ADTRP: variants seen among roughly 807,000 people sequenced by gnomAD.
The protein encoded by ADTRP is androgen dependent TFPI regulating protein, also known as androgen-dependent TFPI-regulating protein.
In ADTRP, 20 loss-of-function variants were observed where a neutral mutation model predicts 27.0. The ratio of observed to expected loss-of-function variants is 0.74; its 90% confidence interval spans 0.52 to 1.08. The LOEUF is 1.08. Among genes scored for constraint, ADTRP ranks in the 50% least tolerant of loss-of-function variants. The pLI is 0.00. For missense variants in ADTRP, 251 were observed against 275.0 expected (o/e 0.91, Z 0.62); for synonymous variants, 101 against 105.2 (o/e 0.96, Z 0.25).
rs149560693 is a variant in ADTRP at position 11,741,481 on chromosome 6, G to A, written c.391-5798C>T. Among the ~76,000 whole-genome samples the A allele has an allele frequency of 1.6e-4, 24 of 152,314 alleles. No individual in the cohort carries two copies. In the East Asian group the frequency reaches 4.6e-3, roughly 29 times the overall value. The stretch of plus-strand genomic sequence containing the variant: ...CACTGGGCCAAGGAAGAAAAGCATA[G>A]TGTTGTTTATGAACTCTTATGTGAC... On this transcript the variant is annotated intron_variant, in intron 3 of 5. Transcript: ENST00000414691.
At chr6:11,733,395 C>G (rs1762447707) in intron 4 of ADTRP, among the ~76,000 whole-genome samples, 1 of 152,256 alleles carries the variant, frequency 6.6e-6, no homozygotes, top group Non-Finnish European at 1.5e-5. Context: ...TTTACCCTGT[C>G]CTCCAATTCA....
intron 2 of ADTRP, chr6:11,767,556 C>A (rs1419730170): frequency 1.3e-5 from 2 of 152,242 alleles, no homozygotes; most frequent in African/African-American, 2.4e-5. Context: ...ATAGGCCCTG[C>A]TGGGCAGCCA....
intron 3 of ADTRP, chr6:11,755,005 G>A: frequency 2.0e-6 from 2 of 981,252 alleles, no homozygotes; most frequent in Non-Finnish European, 2.4e-6. Flanking sequence ...ATTTCAGAGA[G>A]ATTTAGGATC....
intron 5 of ADTRP, among the ~76,000 whole-genome samples, chr6:11,717,701 G>A (rs6933892): frequency 0.55 from 83,480 of 152,032 alleles, 24,204 homozygotes; most frequent in Non-Finnish European, 0.66. Flanking sequence ...TGATAGTCCT[G>A]TGTTCACACT....
intron 3 of ADTRP, among the ~76,000 whole-genome samples, chr6:11,758,665 A>T (rs1763303768): frequency 6.6e-6 from 1 of 151,382 alleles, no homozygotes; most frequent in Admixed American, 6.6e-5. Context: ...ACATGTATAC[A>T]TATGTAACTA....
At chr6:11,714,571 T>C in intron 5 of ADTRP, 59 bp from the exon 6 acceptor site, 2 of 1,579,798 alleles carry the variant, frequency 1.3e-6, no homozygotes, top group Admixed American at 1.9e-5. Context: ...ATGGGTATTT[T>C]TGTTGTGGGT....
intron 4 of ADTRP, among the ~76,000 whole-genome samples, chr6:11,727,932 AGGAC>A (rs1213460738): frequency 9.8e-6 from 1 of 101,802 alleles, no homozygotes; most frequent in Non-Finnish European, 2.2e-5. Flanking sequence ...GAAGGAAGGA[AGGAC>A]GGAAAGAAGG....
chr6:11,714,224 T>A lies in ADTRP; in HGVS notation c.*254A>T. On this transcript the variant is annotated 3_prime_UTR_variant, in exon 6 of 6. Transcript: ENST00000414691. Reference sequence around the variant, plus strand: ...GCCAGATTTTAACCAGAGACCATCCTCCACGAAGGTCAAAGATAATTAATT... The same window carrying A: ...GCCAGATTTTAACCAGAGACCATCCACCACGAAGGTCAAAGATAATTAATT... 1 of 464,212 alleles carries A rather than the reference T, an allele frequency of 2.2e-6. No individual in the cohort carries two copies. The highest frequency in any genetic ancestry group is 3.8e-6 in the Non-Finnish European group (1 of 260,034). The allele number at this position is 464,212 out of a possible 1,614,324, so 28.8% of individuals were successfully genotyped here.
intron 4 of ADTRP, among the ~76,000 whole-genome samples, chr6:11,724,697 T>C (rs1405220473): frequency 6.6e-6 from 1 of 152,218 alleles, no homozygotes; most frequent in African/African-American, 2.4e-5. Flanking sequence ...TGCCACCTAG[T>C]AGCTATGTTA....
intron 3 of ADTRP, among the ~76,000 whole-genome samples, chr6:11,757,893 G>A (rs560913679): frequency 1.3e-5 from 2 of 152,172 alleles, no homozygotes; most frequent in African/African-American, 4.8e-5. Flanking sequence ...ATACATTTCT[G>A]TTAATAAAGC....
rs145096274 is a variant in ADTRP at position 11,723,477 on chromosome 6, G to T, written c.530C>A (p.Thr177Lys). The change falls in exon 5 of 6, where the codon ACG (threonine) becomes AAG (lysine). Residue 177 changes from threonine (T) to lysine (K), a missense_variant. By Grantham distance (78) the Thr-to-Lys change is moderately conservative. Coordinates refer to ENST00000414691, the MANE Select transcript of ADTRP (RefSeq NM_032744.4). ...ISRILWLYFE[T>K]GTWVYPVFAK... ...AAACACAGGATACACCCAGGTACCCGTCTCAAAGTAGAGCCATAGGATGCT... is the reference window on the plus strand; with the variant it reads ...AAACACAGGATACACCCAGGTACCCTTCTCAAAGTAGAGCCATAGGATGCT... The T allele has an allele frequency of 6.2e-7, 1 of 1,614,058 alleles. No individual in the cohort carries two copies. Among genetic ancestry groups the T allele is most frequent in the Non-Finnish European group, 8.5e-7 (1 of 1,180,010 alleles).
At position 11,778,602 on chromosome 6, in the gene ADTRP, C is replaced by T. The variant is rs906173619; in HGVS notation, c.153+5G>A. 8.7e-6 allele frequency: 14 copies of T among 1,613,802 alleles called. No homozygotes were observed. In the East Asian group the frequency reaches 1.1e-4, roughly 13 times the overall value. ...TCGGTTCCTGGTACGGACATATGGA[C>T]TTACCAGATTAAGCAGCGTCATATA... On this transcript the variant is annotated splice_donor_5th_base_variant and intron_variant, in intron 1 of 5. Transcript: ENST00000414691.
chr6:11,755,057 A>T, intron 3 of ADTRP: 1 of 985,346 alleles, frequency 1.0e-6, no homozygotes, highest in Non-Finnish European at 1.2e-6. Context: ...CTCCAGCATC[A>T]AGTCATTCTT....
chr6:11,744,207 C>T (rs1304669357), intron 3 of ADTRP, among the ~76,000 whole-genome samples: 1 of 152,216 alleles, frequency 6.6e-6, no homozygotes, highest in African/African-American at 2.4e-5. Context: ...TGACATCTCC[C>T]TTGCTTTCTG....
intron 3 of ADTRP, among the ~76,000 whole-genome samples, chr6:11,765,230 G>GA (rs1451341611): frequency 1.3e-5 from 2 of 151,818 alleles, no homozygotes; most frequent in African/African-American, 2.4e-5. Context: ...TAAGACCATG[G>GA]AAAGATGGGC....
intron 4 of ADTRP, among the ~76,000 whole-genome samples, chr6:11,735,098 G>C (rs1241305838): frequency 1.3e-5 from 2 of 152,156 alleles, no homozygotes; most frequent in African/African-American, 4.8e-5. Flanking sequence ...TGCCTTCTAG[G>C]AGCTCTGATG....
intron 3 of ADTRP, among the ~76,000 whole-genome samples, chr6:11,755,357 A>G (rs565169873): frequency 6.6e-6 from 1 of 152,302 alleles, no homozygotes; most frequent in African/African-American, 2.4e-5. Flanking sequence ...TTGAGCATAC[A>G]TTGGAAGTTC....
At chr6:11,720,936 A>G (rs1762005534) in intron 5 of ADTRP, among the ~76,000 whole-genome samples, 1 of 152,172 alleles carries the variant, frequency 6.6e-6, no homozygotes, top group East Asian at 1.9e-4. Context: ...TGGATATTCT[A>G]TTGTCTGCAC....
chr6:11,728,268 C>T (rs187084676), intron 4 of ADTRP: 83 of 152,500 alleles, frequency 5.4e-4, no homozygotes, highest in Non-Finnish European at 9.2e-4. Flanking sequence ...TTCCTAAAAG[C>T]GAGCTCTGTC....
Sources: allele counts gnomAD v4.1 joint callset (sites outside exome capture counted in the v4.1 genomes callset), GRCh38; gene constraint gnomAD v4.1.1; transcripts MANE v1.5; gene names NCBI Gene and HGNC (gene_info 2026-07-23, HGNC 2026-07-21).